The following MARCHF3 variants were observed in gnomAD, a reference collection of about 807,000 sequenced individuals.
MARCHF3 encodes the protein E3 ubiquitin-protein ligase MARCHF3.
In MARCHF3, 13 loss-of-function variants were observed where a neutral mutation model predicts 24.2. That is an observed-to-expected ratio of 0.54 (90% CI 0.35 to 0.85). The LOEUF (loss-of-function observed/expected upper bound fraction) is 0.85. MARCHF3 is among the 40% of genes least tolerant of loss of function. The pLI is 0.01. For missense variants in MARCHF3, 276 were observed against 325.0 expected (o/e 0.85, Z 1.16); for synonymous variants, 144 against 137.3 (o/e 1.05, Z -0.34).
At chr5:126,940,899 C>T (rs1263541453) in intron 1 of MARCHF3, among the ~76,000 whole-genome samples, 1 of 152,088 alleles carries the variant, frequency 6.6e-6, no homozygotes, top group Non-Finnish European at 1.5e-5. Context: ...ACATCATGGA[C>T]AATGGGGTAT....
At chr5:126,996,439 T>G (rs116404519) in intron 1 of MARCHF3, among the ~76,000 whole-genome samples, 1,712 of 152,250 alleles carry the variant, frequency 0.011, 28 homozygotes, top group African/African-American at 0.039. Context: ...AGTCTCCCAC[T>G]TTGTGTTGTC....
intron 1 of MARCHF3, among the ~76,000 whole-genome samples, chr5:126,966,060 C>CA (rs2126825592): frequency 6.6e-6 from 1 of 152,292 alleles, no homozygotes; most frequent in East Asian, 1.9e-4. Flanking sequence ...TCATAGATAT[C>CA]ATGCTGACAT....
At chr5:126,941,409 G>C (rs1749824900) in intron 1 of MARCHF3, among the ~76,000 whole-genome samples, 1 of 151,454 alleles carries the variant, frequency 6.6e-6, no homozygotes, top group Non-Finnish European at 1.5e-5. Context: ...AAACTGTGGA[G>C]GAAAATCTTG....
intron 3 of MARCHF3, among the ~76,000 whole-genome samples, chr5:126,909,505 C>T (rs1008965828): frequency 6.6e-6 from 1 of 152,238 alleles, no homozygotes; most frequent in South Asian, 2.1e-4. Context: ...GAGCCACGCA[C>T]AGGATATAAT....
chr5:126,987,516 C>T (rs766255899), intron 1 of MARCHF3, among the ~76,000 whole-genome samples: 11 of 152,194 alleles, frequency 7.2e-5, no homozygotes, highest in Non-Finnish European at 1.0e-4. Context: ...CCAGCCCCCA[C>T]GACTGCGTGA....
rs1188599822 is a variant in MARCHF3, at chr5:126,890,567, T to C, written c.394-12173A>G. ...GTTTTTTGTTCTTGCGATAGTTTAC[T>C]GAGAATGAAGTTTTCCAGTTTCATC... is the stretch of plus-strand genomic sequence containing the variant. On this transcript the variant is annotated intron_variant, in intron 3 of 4. Transcript: ENST00000308660. Among the ~76,000 whole-genome samples, 5 of 152,008 alleles carry C rather than the reference T, an allele frequency of 3.3e-5. No homozygotes were observed. In the East Asian group the frequency reaches 9.7e-4, roughly 29 times the overall value.
chr5:126,998,472 T>C (rs141519876), intron 1 of MARCHF3, among the ~76,000 whole-genome samples: 3 of 151,852 alleles, frequency 2.0e-5, no homozygotes, highest in African/African-American at 4.9e-5. Flanking sequence ...TTCACCAACA[T>C]GCTTGTTCCT....
At chr5:127,027,795 C>T (rs1753053241) in intron 1 of MARCHF3, among the ~76,000 whole-genome samples, 1 of 152,238 alleles carries the variant, frequency 6.6e-6, no homozygotes, top group African/African-American at 2.4e-5. Context: ...AACTCACAGA[C>T]TATAACTGTT....
At chr5:126,954,024 C>G (rs182126917) in intron 1 of MARCHF3, among the ~76,000 whole-genome samples, 124 of 151,858 alleles carry the variant, frequency 8.2e-4, no homozygotes, top group African/African-American at 2.9e-3. Context: ...TATGTAGTAA[C>G]CTCTTCTAAT....
chr5:126,969,095 T>G (rs1750910849), intron 1 of MARCHF3, among the ~76,000 whole-genome samples: 1 of 152,214 alleles, frequency 6.6e-6, no homozygotes, highest in South Asian at 2.1e-4. Context: ...AAGATTTACA[T>G]GTGTTTTCTT....
intron 1 of MARCHF3, among the ~76,000 whole-genome samples, chr5:126,940,287 T>C (rs1749785161): frequency 6.6e-6 from 1 of 152,232 alleles, no homozygotes; most frequent in Non-Finnish European, 1.5e-5. Context: ...ACAATGAGGA[T>C]TGATTATAAA....
chr5:126,932,823 T>A (rs189168043), intron 1 of MARCHF3, among the ~76,000 whole-genome samples: 1 of 152,168 alleles, frequency 6.6e-6, no homozygotes, highest in Non-Finnish European at 1.5e-5. Flanking sequence ...AGGTACCATT[T>A]TGGCTCCAGA....
At chr5:127,010,360 A>T (rs1045746690) in intron 1 of MARCHF3, among the ~76,000 whole-genome samples, 7 of 151,982 alleles carry the variant, frequency 4.6e-5, no homozygotes, top group African/African-American at 1.7e-4. Context: ...ACACTCCTGG[A>T]TATTTTCCAG....
At chr5:126,923,471 T>A (rs1749192643) in intron 1 of MARCHF3, among the ~76,000 whole-genome samples, 1 of 152,172 alleles carries the variant, frequency 6.6e-6, no homozygotes, top group South Asian at 2.1e-4. Context: ...AGCAGGAGAA[T>A]GTGAGTGCTG....
intron 3 of MARCHF3, among the ~76,000 whole-genome samples, chr5:126,907,919 T>A (rs1336951092): frequency 2.0e-4 from 31 of 152,288 alleles, no homozygotes; most frequent in African/African-American, 7.5e-4. Context: ...CTAGTCTCGA[T>A]GGTCTTTACA....
intron 3 of MARCHF3, among the ~76,000 whole-genome samples, chr5:126,899,818 T>C (rs920568447): frequency 6.6e-6 from 1 of 152,084 alleles, no homozygotes; most frequent in Non-Finnish European, 1.5e-5. Context: ...CAGAGGGTTC[T>C]CATATATCCC....
In MARCHF3 at chr5:126,877,735, C is replaced by T. The variant is rs889765138; in HGVS notation, c.603+450G>A. On this transcript the variant is annotated intron_variant, in intron 4 of 4. Transcript: ENST00000308660. ...ACAAAGACTTTAGGCTGTGTCAGGA[C>T]GTAAGAAGGAAATAACCAGCAGGGA... 5.3e-5 allele frequency among the ~76,000 whole-genome samples: 8 copies of T among 152,066 alleles called. No homozygotes were observed. In the East Asian group the frequency reaches 7.7e-4, roughly 15 times the overall value.
chr5:127,004,608 T>C (rs1477230625), intron 1 of MARCHF3, among the ~76,000 whole-genome samples: 1 of 152,134 alleles, frequency 6.6e-6, no homozygotes, highest in Non-Finnish European at 1.5e-5. Flanking sequence ...TATTTGCCAA[T>C]TTAGCTAAGA....
chr5:126,992,600 G>C (rs1013944959), intron 1 of MARCHF3, among the ~76,000 whole-genome samples: 1 of 152,076 alleles, frequency 6.6e-6, no homozygotes, highest in African/African-American at 2.4e-5. Flanking sequence ...AAATTACGTA[G>C]TACGTAGAGG....
Sources: gnomAD v4.1 joint callset for allele counts (sites outside exome capture counted in the v4.1 genomes callset) on GRCh38, gnomAD v4.1.1 for gene constraint, MANE v1.5 for transcripts, NCBI Gene and HGNC (gene_info 2026-07-23, HGNC 2026-07-21) for gene names.